The following NLGN1 variants were observed in gnomAD, a reference collection of about 807,000 sequenced individuals.
NLGN1 encodes neuroligin-1.
A neutral mutation model predicts 65.5 loss-of-function variants in NLGN1; 12 were observed. That is an observed-to-expected ratio of 0.18 (90% confidence interval 0.12 to 0.30). NLGN1 has a LOEUF of 0.30. Among genes scored for constraint, NLGN1 ranks in the 10% least tolerant of loss-of-function variants. NLGN1 has a pLI of 1.00. For missense variants in NLGN1, 750 were observed against 1,007.1 expected, an observed-to-expected ratio of 0.74 and a Z score of 3.46; for synonymous variants, 350 against 359.5, an observed-to-expected ratio of 0.97 and a Z score of 0.30.
chr3:174,084,344 G>A (rs985019086), intron 4 of NLGN1, among the ~76,000 whole-genome samples: 12 of 152,028 alleles, frequency 7.9e-5, no homozygotes, highest in African/African-American at 2.4e-4. Context: ...TATTGAAGAA[G>A]AAAATTCATT....
At chr3:173,993,858 C>T (rs1721674465) in intron 4 of NLGN1, among the ~76,000 whole-genome samples, 1 of 151,510 alleles carries the variant, frequency 6.6e-6, no homozygotes, top group Non-Finnish European at 1.5e-5. Context: ...TGTATACATA[C>T]ATGCATTTGG....
At chr3:174,021,505 A>T (rs1038050696) in intron 4 of NLGN1, among the ~76,000 whole-genome samples, 1 of 152,258 alleles carries the variant, frequency 6.6e-6, no homozygotes, top group Middle Eastern at 3.4e-3. Context: ...CAAAAATTAT[A>T]ATTTGGCCTC....
intron 4 of NLGN1, among the ~76,000 whole-genome samples, chr3:173,971,523 A>T (rs928289223): frequency 1.3e-5 from 2 of 152,114 alleles, no homozygotes; most frequent in African/African-American, 4.8e-5. Context: ...AAAAGAGCTG[A>T]TTAAGGAGAA....
At chr3:174,285,604 A>G (rs746898042) in exon 7 of NLGN1, 9 of 151,546 alleles carry the variant, frequency 5.9e-5, no homozygotes, top group South Asian at 2.1e-4. Context: ...TCCTACTGCT[A>G]TGAAACATTT....
intron 1 of NLGN1, among the ~76,000 whole-genome samples, chr3:173,406,348 G>C (rs1386266577): frequency 6.6e-6 from 1 of 151,322 alleles, no homozygotes; most frequent in Non-Finnish European, 1.5e-5. Flanking sequence ...AGAATTATCA[G>C]TAAGAAGCAA....
chr3:174,167,590 C>T (rs987687651), intron 4 of NLGN1, among the ~76,000 whole-genome samples: 2 of 135,288 alleles, frequency 1.5e-5, no homozygotes, highest in African/African-American at 7.0e-5. Context: ...TGTGATCTGC[C>T]CCCTTTTTTT....
chr3:174,165,059 T>A (rs1054120114), intron 4 of NLGN1, among the ~76,000 whole-genome samples: 8 of 152,126 alleles, frequency 5.3e-5, no homozygotes, highest in Admixed American at 3.9e-4. Flanking sequence ...GTTAGATGTA[T>A]TCCTAGGTAT....
chr3:173,959,036 C>T (rs1355098541), intron 4 of NLGN1, among the ~76,000 whole-genome samples: 2 of 152,218 alleles, frequency 1.3e-5, no homozygotes, highest in Admixed American at 6.5e-5. Context: ...GCACTTTGGA[C>T]CCTGCAAGGG....
intron 4 of NLGN1, among the ~76,000 whole-genome samples, chr3:174,018,253 C>T (rs148700398): frequency 0.025 from 3,846 of 152,188 alleles, 74 homozygotes; most frequent in Middle Eastern, 0.051. Context: ...AAGGTGCCCA[C>T]ATTTCATATT....
intron 4 of NLGN1, among the ~76,000 whole-genome samples, chr3:174,255,693 C>G (rs748275126): frequency 6.6e-6 from 1 of 151,302 alleles, no homozygotes; most frequent in Non-Finnish European, 1.5e-5. Context: ...GGGTCTCACT[C>G]TGTCGCCCAG....
At chr3:174,046,435 T>A (rs1165530572) in intron 4 of NLGN1, among the ~76,000 whole-genome samples, 1 of 152,058 alleles carries the variant, frequency 6.6e-6, no homozygotes, top group East Asian at 1.9e-4. Flanking sequence ...TCTACATTAG[T>A]GCAAAGAAAA....
chr3:173,992,326 C>A (rs1486436548), intron 4 of NLGN1, among the ~76,000 whole-genome samples: 1 of 151,928 alleles, frequency 6.6e-6, no homozygotes, highest in African/African-American at 2.4e-5. Flanking sequence ...TGTCAGGACT[C>A]AATTGAAAAA....
rs775030368 is a variant in NLGN1, at chr3:173,809,784, CTG to C, written c.646+1955_646+1956del. 5.9e-5 allele frequency among the ~76,000 whole-genome samples: 9 copies of C among 152,152 alleles called. 1 individual carries two copies. In the East Asian group the frequency reaches 1.2e-3, roughly 20 times the overall value. ...CCCATACCCCATTTTAAATGCCGCACTGTGAGGATTGGATTGCAAGGCAATGG... is the reference window on the plus strand; with the variant it reads ...CCCATACCCCATTTTAAATGCCGCACTGAGGATTGGATTGCAAGGCAATGG... On this transcript the variant is annotated intron_variant, in intron 4 of 6. Transcript: ENST00000457714.
chr3:173,679,145 A>C (rs1252427963), intron 3 of NLGN1, among the ~76,000 whole-genome samples: 1 of 152,032 alleles, frequency 6.6e-6, no homozygotes, highest in Non-Finnish European at 1.5e-5. Flanking sequence ...AAAAAGTAAA[A>C]AAGTACAGGG....
intron 3 of NLGN1, chr3:173,800,368 A>G (rs1404868100): frequency 2.7e-6 from 3 of 1,121,416 alleles, no homozygotes; most frequent in Admixed American, 2.6e-5. Context: ...TTTTTTCACC[A>G]AATCTATTTG....
intron 4 of NLGN1, among the ~76,000 whole-genome samples, chr3:174,029,120 G>A (rs912426712): frequency 2.6e-5 from 4 of 152,220 alleles, no homozygotes; most frequent in Non-Finnish European, 4.4e-5. Context: ...TACTGGAGCT[G>A]TAAGAAGAAG....
chr3:173,510,260 G>T (rs940479687), intron 2 of NLGN1, among the ~76,000 whole-genome samples: 2 of 152,308 alleles, frequency 1.3e-5, no homozygotes, highest in Admixed American at 6.5e-5. Flanking sequence ...TCAATGTGAT[G>T]ATTGATATCA....
intron 4 of NLGN1, chr3:174,057,566 G>GT (rs1305544163): frequency 1.3e-5 from 2 of 152,082 alleles, no homozygotes; most frequent in Non-Finnish European, 2.9e-5. Context: ...AATCTTCCAT[G>GT]TGTATTTTTG....
At chr3:174,102,243 A>C (rs902471569) in intron 4 of NLGN1, among the ~76,000 whole-genome samples, 1 of 151,620 alleles carries the variant, frequency 6.6e-6, no homozygotes, top group African/African-American at 2.4e-5. Context: ...TCTTGGTTTA[A>C]CTCTTGCACA....
Sources: allele counts gnomAD v4.1 joint callset (sites outside exome capture counted in the v4.1 genomes callset), GRCh38; gene constraint gnomAD v4.1.1; transcripts MANE v1.5; gene names NCBI Gene and HGNC (gene_info 2026-07-23, HGNC 2026-07-21).